Variants in ARHGAP15 observed in about 807,000 individuals in gnomAD.
The protein encoded by ARHGAP15 is Rho GTPase activating protein 15, also known as rho GTPase-activating protein 15.
In ARHGAP15, 51 loss-of-function variants were observed where a neutral mutation model predicts 63.7. That is an observed-to-expected ratio of 0.80 (90% CI 0.64 to 1.01). The LOEUF (loss-of-function observed/expected upper bound fraction) is 1.01. ARHGAP15 is among the 50% of genes least tolerant of loss of function. The pLI is 0.00. For synonymous variants in ARHGAP15, 191 were observed against 193.8 expected, an observed-to-expected ratio of 0.99 and a Z score of 0.12; for missense variants, 560 against 564.6, an observed-to-expected ratio of 0.99 and a Z score of 0.08.
intron 3 of ARHGAP15, among the ~76,000 whole-genome samples, chr2:143,207,716 A>G (rs1396587219): frequency 1.3e-5 from 2 of 152,120 alleles, no homozygotes; most frequent in African/African-American, 2.4e-5. Context: ...AGGCAGAAAC[A>G]TTATCTTCAT....
At chr2:143,575,723 AC>A (rs1242888789) in intron 11 of ARHGAP15, among the ~76,000 whole-genome samples, 2 of 152,194 alleles carry the variant, frequency 1.3e-5, no homozygotes, top group African/African-American at 4.8e-5. Flanking sequence ...AATTTAAAAT[AC>A]TGCCTTCATA....
At chr2:143,365,491 T>C (rs988403839) in intron 6 of ARHGAP15, among the ~76,000 whole-genome samples, 3 of 152,218 alleles carry the variant, frequency 2.0e-5, no homozygotes, top group Admixed American at 2.0e-4. Flanking sequence ...TTGCCGTAAT[T>C]GTCAGGCATA....
intron 12 of ARHGAP15, among the ~76,000 whole-genome samples, chr2:143,673,879 C>T (rs543250307): frequency 2.0e-5 from 3 of 147,746 alleles, no homozygotes; most frequent in African/African-American, 7.4e-5. Context: ...CACAAATGAT[C>T]GATGAACACA....
chr2:143,214,001 C>T (rs1000072708), intron 3 of ARHGAP15, among the ~76,000 whole-genome samples: 3 of 152,220 alleles, frequency 2.0e-5, no homozygotes, highest in African/African-American at 7.2e-5. Context: ...ATGATGTACA[C>T]CTTAAACCTG....
intron 11 of ARHGAP15, among the ~76,000 whole-genome samples, chr2:143,558,448 T>C (rs537963139): frequency 1.2e-4 from 18 of 152,262 alleles, no homozygotes; most frequent in African/African-American, 3.8e-4. Context: ...ACATCTAACT[T>C]TTAAAATTCC....
chr2:143,161,009 C>T (rs1185142468), intron 2 of ARHGAP15, among the ~76,000 whole-genome samples: 1 of 151,990 alleles, frequency 6.6e-6, no homozygotes, highest in African/African-American at 2.4e-5. Context: ...ACATGAGATA[C>T]ATTTTTTTAA....
intron 6 of ARHGAP15, among the ~76,000 whole-genome samples, chr2:143,407,309 A>G (rs948965547): frequency 6.6e-6 from 1 of 151,706 alleles, no homozygotes; most frequent in African/African-American, 2.4e-5. Context: ...TAACCCATTC[A>G]TATTTTTTAA....
chr2:143,338,549 G>T (rs1222996454), intron 6 of ARHGAP15, among the ~76,000 whole-genome samples: 1 of 152,162 alleles, frequency 6.6e-6, no homozygotes, highest in Non-Finnish European at 1.5e-5. Flanking sequence ...TCGATGGGAA[G>T]TAGGAGATGA....
At chr2:143,337,315 G>A (rs1684847597) in intron 6 of ARHGAP15, among the ~76,000 whole-genome samples, 1 of 152,186 alleles carries the variant, frequency 6.6e-6, no homozygotes. Context: ...AGTTTTGATG[G>A]CTGAGTTAAA....
chr2:143,742,336 C>T (rs1396361124), intron 13 of ARHGAP15, among the ~76,000 whole-genome samples: 1 of 152,224 alleles, frequency 6.6e-6, no homozygotes, highest in South Asian at 2.1e-4. Flanking sequence ...GATGGAAACA[C>T]AGGATATCCG....
chr2:143,763,704 G>A (rs1005676212), intron 13 of ARHGAP15, among the ~76,000 whole-genome samples: 5 of 128,652 alleles, frequency 3.9e-5, no homozygotes, highest in African/African-American at 1.2e-4. Context: ...GTATGTGTAT[G>A]TATATGTGTA....
intron 9 of ARHGAP15, among the ~76,000 whole-genome samples, chr2:143,503,044 T>C (rs1273782289): frequency 3.3e-5 from 5 of 152,216 alleles, no homozygotes; most frequent in Non-Finnish European, 7.3e-5. Flanking sequence ...ATCTGCATGC[T>C]AGTAGTGGTC....
At chr2:143,507,929 C>G (rs1050329470) in intron 9 of ARHGAP15, among the ~76,000 whole-genome samples, 1 of 150,892 alleles carries the variant, frequency 6.6e-6, no homozygotes, top group Non-Finnish European at 1.5e-5. Context: ...TATTTCACTA[C>G]CCCCCTGATG....
chr2:143,415,785 T>A (rs189214911), intron 6 of ARHGAP15, among the ~76,000 whole-genome samples: 5 of 152,284 alleles, frequency 3.3e-5, no homozygotes, highest in Non-Finnish European at 7.4e-5. Flanking sequence ...AATGGAATAC[T>A]ACTAAGCCAT....
chr2:143,231,236 G>T (rs1268626744), intron 5 of ARHGAP15, among the ~76,000 whole-genome samples: 1 of 151,776 alleles, frequency 6.6e-6, no homozygotes, highest in Non-Finnish European at 1.5e-5. Flanking sequence ...AAATTATTGT[G>T]CTTTATTATA....
chr2:143,542,172 G>A (rs10172346), intron 10 of ARHGAP15, among the ~76,000 whole-genome samples: 50,704 of 151,962 alleles, frequency 0.33, 8,640 homozygotes, highest in East Asian at 0.42. Flanking sequence ...AGGACCCTCC[G>A]AGCTAGGTGT....
At chr2:143,307,713 T>C (rs1014637422) in intron 6 of ARHGAP15, among the ~76,000 whole-genome samples, 3 of 152,146 alleles carry the variant, frequency 2.0e-5, no homozygotes, top group African/African-American at 4.8e-5. Context: ...TGGAGTCTTA[T>C]CCAGTTTACC....
At chr2:143,493,107 C>T (rs971946409) in intron 9 of ARHGAP15, among the ~76,000 whole-genome samples, 1 of 152,010 alleles carries the variant, frequency 6.6e-6, no homozygotes, top group Non-Finnish European at 1.5e-5. Context: ...AACATTCATA[C>T]TATTATGCTT....
At chr2:143,225,287 A>C (rs1271448128) in intron 4 of ARHGAP15, among the ~76,000 whole-genome samples, 1 of 152,060 alleles carries the variant, frequency 6.6e-6, no homozygotes, top group Non-Finnish European at 1.5e-5. Flanking sequence ...CTAAAAAGTA[A>C]ATTAAAAAAA....
Sources: gnomAD v4.1 joint callset for allele counts (sites outside exome capture counted in the v4.1 genomes callset) on GRCh38, gnomAD v4.1.1 for gene constraint, MANE v1.5 for transcripts, NCBI Gene and HGNC (gene_info 2026-07-23, HGNC 2026-07-21) for gene names.